TRIM9: variants seen among roughly 807,000 people sequenced by gnomAD.
TRIM9 encodes tripartite motif containing 9.
Under a neutral mutation model 78.3 loss-of-function variants are expected in TRIM9, and 26 were observed. That is an observed-to-expected ratio of 0.33 (90% CI 0.24 to 0.46). The LOEUF is 0.46. Among genes scored for constraint, TRIM9 ranks in the 20% least tolerant of loss-of-function variants. TRIM9 has a pLI of 1.00. For synonymous variants in TRIM9, 398 were observed against 416.5 expected (o/e 0.96, Z 0.54); for missense variants, 787 against 1,036.4 (o/e 0.76, Z 3.30).
intron 1 of TRIM9, among the ~76,000 whole-genome samples, chr14:51,027,145 T>C (rs1270654529): frequency 2.9e-5 from 4 of 140,212 alleles, no homozygotes; most frequent in South Asian, 2.5e-4. Flanking sequence ...TTTTTTTTTT[T>C]TTTTTTTTTT....
Position 50,977,290 on chromosome 14 carries a change from C to T in TRIM9, c.*1G>A, listed in dbSNP as rs753560659. On this transcript the variant is annotated 3_prime_UTR_variant, in exon 13 of 13. Coordinates refer to ENST00000684578, the MANE Select transcript of TRIM9 (RefSeq NM_001387360.1). ...GCAGCTGGCGCCTCCACGGCACATC[C>T]TTAGGCTATTGATGCTCTGCTGGAG... 4 of 1,532,172 alleles carry T rather than the reference C, an allele frequency of 2.6e-6. No homozygotes were observed. The East Asian group carries it at 7.5e-5, about 29-fold the overall frequency. The allele number at this position is 1,532,172 out of a possible 1,614,324, so 94.9% of individuals were successfully genotyped here.
chr14:51,053,594 A>T (rs868803327), intron 1 of TRIM9, among the ~76,000 whole-genome samples: 1,030 of 28,596 alleles, frequency 0.036, 3 homozygotes, highest in Non-Finnish European at 0.048. Flanking sequence ...TTTTTTTTTT[A>T]ATTTTTTTTT....
chr14:51,048,736 G>C (rs1030349463), intron 1 of TRIM9, among the ~76,000 whole-genome samples: 2 of 152,054 alleles, frequency 1.3e-5, no homozygotes, highest in African/African-American at 4.8e-5. Flanking sequence ...TGTAATCCCA[G>C]CACTTTGGAA....
chr14:51,027,281 T>C (rs940106531), intron 1 of TRIM9, among the ~76,000 whole-genome samples: 2 of 151,892 alleles, frequency 1.3e-5, no homozygotes, highest in African/African-American at 4.8e-5. Flanking sequence ...ATAGCTGGGA[T>C]TACAGCCGTG....
intron 9 of TRIM9, 98 bp downstream of exon 9, chr14:50,983,282 T>C (rs2052224704): frequency 6.7e-6 from 7 of 1,051,424 alleles, no homozygotes; most frequent in African/African-American, 1.6e-5. Flanking sequence ...AATTAGACAA[T>C]TTTATTGACA....
intron 1 of TRIM9, among the ~76,000 whole-genome samples, chr14:51,068,577 A>G (rs1187937700): frequency 6.6e-6 from 1 of 152,242 alleles, no homozygotes; most frequent in African/African-American, 2.4e-5. Context: ...TTTACAGATG[A>G]CAAAAATGGG....
chr14:50,997,710 G>A, intron 7 of TRIM9: 1 of 1,188,992 alleles, frequency 8.4e-7, no homozygotes, highest in African/African-American at 1.5e-5. Context: ...TGGAGAATGG[G>A]AGCCTGCTCT....
At chr14:51,015,458 TTTTC>T (rs1358019132) in intron 3 of TRIM9, among the ~76,000 whole-genome samples, 1 of 151,784 alleles carries the variant, frequency 6.6e-6, no homozygotes, top group African/African-American at 2.4e-5. Context: ...CTTTTAAAAT[TTTTC>T]TTTATCTTTT....
At chr14:51,050,408 C>T (rs994545036) in intron 1 of TRIM9, among the ~76,000 whole-genome samples, 1 of 152,200 alleles carries the variant, frequency 6.6e-6, no homozygotes, top group Non-Finnish European at 1.5e-5. Flanking sequence ...TGCCTGCCAC[C>T]ATGTAAGACA....
At chr14:51,060,216 A>G (rs551278300) in intron 1 of TRIM9, among the ~76,000 whole-genome samples, 1 of 152,210 alleles carries the variant, frequency 6.6e-6, no homozygotes, top group African/African-American at 2.4e-5. Context: ...GAATCTCAAC[A>G]TTCTTATTTT....
chr14:50,994,230 A>G (rs1361313766), intron 7 of TRIM9, among the ~76,000 whole-genome samples: 1 of 152,192 alleles, frequency 6.6e-6, no homozygotes, highest in African/African-American at 2.4e-5. Flanking sequence ...ACACAGCAAG[A>G]CCACATCTCT....
At chr14:51,016,204 G>A (rs924169382) in intron 3 of TRIM9, among the ~76,000 whole-genome samples, 4 of 152,154 alleles carry the variant, frequency 2.6e-5, no homozygotes, top group South Asian at 4.1e-4. Flanking sequence ...GTATTATATT[G>A]TATTGTTTAG....
intron 1 of TRIM9, among the ~76,000 whole-genome samples, chr14:51,045,115 G>T (rs8018259): frequency 0.43 from 65,269 of 151,972 alleles, 15,540 homozygotes; most frequent in African/African-American, 0.65. Context: ...AAGACTCATT[G>T]GTGGGATTGC....
intron 1 of TRIM9, among the ~76,000 whole-genome samples, chr14:51,053,181 A>C (rs1436883559): frequency 6.6e-6 from 1 of 151,894 alleles, no homozygotes; most frequent in Non-Finnish European, 1.5e-5. Flanking sequence ...AAAGAGAAGA[A>C]AACTTGTCAT....
intron 2 of TRIM9, among the ~76,000 whole-genome samples, chr14:51,023,246 T>C (rs1478556392): frequency 1.3e-5 from 2 of 152,200 alleles, no homozygotes; most frequent in African/African-American, 4.8e-5. Context: ...CATAGAGTTG[T>C]TTATGAATGT....
intron 1 of TRIM9, among the ~76,000 whole-genome samples, chr14:51,074,268 A>G (rs2062561719): frequency 6.6e-6 from 1 of 152,230 alleles, no homozygotes; most frequent in Admixed American, 6.5e-5. Context: ...AAAAAAAGTA[A>G]TGGAAAAAAA....
intron 1 of TRIM9, among the ~76,000 whole-genome samples, chr14:51,056,356 G>C (rs1043367587): frequency 6.6e-6 from 1 of 152,148 alleles, no homozygotes; most frequent in African/African-American, 2.4e-5. Context: ...TAGAAAGTAA[G>C]TCTATACAAA....
rs2052242298 is a variant in TRIM9, at chr14:50,983,373, T to C, written c.1834+7A>G. 2 of 1,538,506 alleles carry C rather than the reference T, an allele frequency of 1.3e-6. No individual in the cohort carries two copies. Among genetic ancestry groups the C allele is most frequent in the African/African-American group, 1.4e-5 (1 of 72,880 alleles). On this transcript the variant is annotated splice_region_variant and intron_variant, in intron 9 of 12. Transcript: ENST00000684578. Reference sequence around the variant, plus strand: ...AAGTAAAAGATAATTACAATAGGTATACTTGCCTAATTGAGAGTAAGGTGC... The same window carrying C: ...AAGTAAAAGATAATTACAATAGGTACACTTGCCTAATTGAGAGTAAGGTGC...
At chr14:51,064,891 C>G (rs1475988720) in intron 1 of TRIM9, among the ~76,000 whole-genome samples, 1 of 151,854 alleles carries the variant, frequency 6.6e-6, no homozygotes, top group East Asian at 1.9e-4. Context: ...TATCATAAAT[C>G]ATAAATATTG....
Sources: gnomAD v4.1 joint callset for allele counts (sites outside exome capture counted in the v4.1 genomes callset) on GRCh38, gnomAD v4.1.1 for gene constraint, MANE v1.5 for transcripts, NCBI Gene and HGNC (gene_info 2026-07-23, HGNC 2026-07-21) for gene names.